The following ADGRL4 variants were observed in gnomAD, a reference collection of about 807,000 sequenced individuals.
ADGRL4 encodes adhesion G protein-coupled receptor L4, also known as EGF, latrophilin and seven transmembrane domain containing 1.
In ADGRL4, 90 loss-of-function variants were observed where a neutral mutation model predicts 74.8. The observed-to-expected ratio is 1.20, with a 90% CI of 1.02 to 1.43. The LOEUF (loss-of-function observed/expected upper bound fraction) is 1.43, where lower values mean the gene tolerates loss of function less well. ADGRL4 is among the 40% of genes most tolerant of loss of function. ADGRL4 has a pLI of 0.00. For synonymous variants in ADGRL4, 311 were observed against 279.2 expected, an observed-to-expected ratio of 1.11 and a Z score of -1.14; for missense variants, 881 against 814.3, an observed-to-expected ratio of 1.08 and a Z score of -1.00.
chr1:78,961,699 A>G (rs1038736703), intron 2 of ADGRL4, among the ~76,000 whole-genome samples: 1 of 152,026 alleles, frequency 6.6e-6, no homozygotes, highest in African/African-American at 2.4e-5. Flanking sequence ...TGTAGCCCTG[A>G]TGTTCTTAAA....
At chr1:78,981,666 A>G (rs1001495241) in intron 2 of ADGRL4, among the ~76,000 whole-genome samples, 2 of 151,904 alleles carry the variant, frequency 1.3e-5, no homozygotes, top group African/African-American at 2.4e-5. Flanking sequence ...TCCTGAAATG[A>G]CTAAAAATAT....
At chr1:78,962,788 A>G (rs1649981484) in intron 2 of ADGRL4, among the ~76,000 whole-genome samples, 1 of 152,122 alleles carries the variant, frequency 6.6e-6, no homozygotes, top group Non-Finnish European at 1.5e-5. Context: ...TCTGACAGAT[A>G]TCTCACAATG....
chr1:78,928,135 G>C lies in ADGRL4; in HGVS notation c.878-1044C>G, dbSNP rs551208647. On this transcript the variant is annotated intron_variant, in intron 7 of 14. Transcript: ENST00000370742. ...GTGGGACAGTGGCATCTCAGGAGTT[G>C]TAGTAGAAGATGGTTCAAAATCAAA... Among the ~76,000 whole-genome samples, 4 of 151,642 alleles carry C rather than the reference G, an allele frequency of 2.6e-5. No individual in the cohort carries two copies. In the South Asian group the frequency reaches 8.3e-4, roughly 31 times the overall value.
chr1:78,921,722 C>T lies in ADGRL4; in HGVS notation c.1148G>A (p.Ser383Asn). The change falls in exon 9 of 15, where the codon AGC becomes AAC. Residue 383 changes from serine (S) to asparagine (N), a missense_variant. Physicochemically the swap from Ser to Asn is conservative, Grantham distance 46. Transcript: ENST00000370742. ...CAGCTCACAGCCCTCTGAAGACCAGCTGCCATTCATGGTATCAGGTGAGTA... is the reference window on the plus strand; with the variant it reads ...CAGCTCACAGCCCTCTGAAGACCAGTTGCCATTCATGGTATCAGGTGAGTA... Reference protein sequence around the residue: ...WNYSPDTMNGSWSSEGCELTY... With the variant: ...WNYSPDTMNGNWSSEGCELTY... 6.2e-7 allele frequency: 1 copy of T among 1,604,142 alleles called. No homozygotes were observed. The highest frequency in any genetic ancestry group is 8.5e-7 in the Non-Finnish European group (1 of 1,174,832).
At chr1:78,901,015 A>G (rs1053646283) in intron 12 of ADGRL4, among the ~76,000 whole-genome samples, 12 of 152,088 alleles carry the variant, frequency 7.9e-5, no homozygotes, top group African/African-American at 2.9e-4. Context: ...AATTTATAGA[A>G]CCTACCATAT....
At chr1:78,993,764 G>A (rs369750876) in intron 2 of ADGRL4, among the ~76,000 whole-genome samples, 100 of 151,992 alleles carry the variant, frequency 6.6e-4, no homozygotes, top group African/African-American at 2.2e-3. Flanking sequence ...TAGTAGAGAC[G>A]GGGTTTCACT....
intron 12 of ADGRL4, among the ~76,000 whole-genome samples, chr1:78,895,108 G>C (rs927241518): frequency 7.2e-5 from 11 of 151,992 alleles, no homozygotes; most frequent in African/African-American, 2.2e-4. Flanking sequence ...TGCTGGGCAA[G>C]TGGGAGACTA....
chr1:78,897,404 T>G (rs1648420427), intron 12 of ADGRL4, among the ~76,000 whole-genome samples: 1 of 152,160 alleles, frequency 6.6e-6, no homozygotes, highest in South Asian at 2.1e-4. Context: ...TTGCTCACCC[T>G]GGCTTGCCAT....
intron 2 of ADGRL4, among the ~76,000 whole-genome samples, chr1:78,965,025 T>TAAA (rs5775470): frequency 6.6e-6 from 1 of 151,808 alleles, no homozygotes; most frequent in Admixed American, 6.6e-5. Context: ...TAAATAGTCT[T>TAAA]AAAAAAAACT....
chr1:79,000,677 T>C (rs527833217), intron 2 of ADGRL4, among the ~76,000 whole-genome samples: 2 of 152,208 alleles, frequency 1.3e-5, no homozygotes, highest in East Asian at 1.9e-4. Flanking sequence ...ATATTTCTAG[T>C]ACAAAGAAAA....
intron 12 of ADGRL4, among the ~76,000 whole-genome samples, chr1:78,901,193 T>C (rs573689582): frequency 6.6e-6 from 1 of 152,244 alleles, no homozygotes; most frequent in South Asian, 2.1e-4. Flanking sequence ...TATCTAAAAT[T>C]TAACTACACT....
intron 12 of ADGRL4, among the ~76,000 whole-genome samples, chr1:78,915,188 C>A (rs150629253): frequency 6.6e-6 from 1 of 151,870 alleles, no homozygotes; most frequent in African/African-American, 2.4e-5. Flanking sequence ...GTATAATAAT[C>A]TTTTCTGTCC....
At chr1:78,990,008 C>T (rs1332680386) in intron 2 of ADGRL4, among the ~76,000 whole-genome samples, 1 of 151,786 alleles carries the variant, frequency 6.6e-6, no homozygotes, top group Non-Finnish European at 1.5e-5. Context: ...ATTCTACTTC[C>T]CATTGATTAT....
intron 2 of ADGRL4, among the ~76,000 whole-genome samples, chr1:78,961,070 T>C (rs115524323): frequency 0.029 from 4,416 of 152,230 alleles, 101 homozygotes; most frequent in Non-Finnish European, 0.04. Context: ...GCTCTATTTT[T>C]TATGACTCTA....
chr1:78,936,257 T>G, intron 7 of ADGRL4, 38 bp downstream of exon 7: 1 of 1,561,502 alleles, frequency 6.4e-7, no homozygotes, highest in Non-Finnish European at 8.6e-7. Flanking sequence ...TATTGCAAAT[T>G]CATTGATATA....
chr1:78,937,861 TC>T lies in ADGRL4; in HGVS notation c.705del (p.Ile236TyrfsTer18). ...GTGGTCTTTTGGAAGCTCTGGGATA[TC>T]CTTAAAGTAGCTTGTTCAACAGTGT... is the stretch of plus-strand genomic sequence containing the variant. ...LMHTVEQATL[R>X]ISQSFQKTTE... On this transcript the variant is annotated frameshift_variant, in exon 6 of 15. Coordinates refer to ENST00000370742, the MANE Select transcript of ADGRL4 (RefSeq NM_022159.4). LOFTEE classifies it high-confidence loss of function. 6.2e-7 allele frequency: 1 copy of T among 1,613,914 alleles called. No homozygotes were observed. Among genetic ancestry groups the T allele is most frequent in the Non-Finnish European group, 8.5e-7 (1 of 1,179,912 alleles).
intron 12 of ADGRL4, among the ~76,000 whole-genome samples, chr1:78,913,800 A>T (rs1245221135): frequency 6.6e-6 from 1 of 151,878 alleles, no homozygotes; most frequent in African/African-American, 2.4e-5. Flanking sequence ...ATAAAACAAA[A>T]CAAAGTATAA....
intron 12 of ADGRL4, among the ~76,000 whole-genome samples, chr1:78,902,800 A>G (rs2100656254): frequency 6.6e-6 from 1 of 152,210 alleles, no homozygotes; most frequent in East Asian, 1.9e-4. Context: ...GGCCTTGTTA[A>G]TAGCTAACAG....
chr1:78,959,534 T>G (rs538869736), intron 2 of ADGRL4, among the ~76,000 whole-genome samples: 2 of 152,276 alleles, frequency 1.3e-5, no homozygotes, highest in Non-Finnish European at 2.9e-5. Context: ...GTTAGTCATG[T>G]CTCCAGTCTG....
Sources: gnomAD v4.1 joint callset for allele counts (sites outside exome capture counted in the v4.1 genomes callset) on GRCh38, gnomAD v4.1.1 for gene constraint, MANE v1.5 for transcripts, NCBI Gene and HGNC (gene_info 2026-07-23, HGNC 2026-07-21) for gene names.